The following STK3 variants were observed in gnomAD, a reference collection of about 807,000 sequenced individuals.
STK3 encodes serine/threonine-protein kinase 3.
Under a neutral mutation model 58.0 loss-of-function variants are expected in STK3, and 41 were observed. That is an observed-to-expected ratio of 0.71 (90% confidence interval 0.55 to 0.92). STK3 has a LOEUF of 0.92. Ranked by LOEUF, STK3 falls within the 40% of genes least tolerant of loss-of-function variation. The probability of loss-of-function intolerance (pLI) is 0.00; values close to 1 mark genes in which losing one functional copy is unlikely to be tolerated. For synonymous variants in STK3, 170 were observed against 191.0 expected, an observed-to-expected ratio of 0.89 and a Z score of 0.91; for missense variants, 479 against 602.7, an observed-to-expected ratio of 0.79 and a Z score of 2.15.
intron 6 of STK3, among the ~76,000 whole-genome samples, chr8:98,613,936 T>C (rs961485898): frequency 5.3e-5 from 8 of 151,678 alleles, no homozygotes; most frequent in African/African-American, 1.9e-4. Context: ...GCAAAGAAAA[T>C]TACCAGAGAC....
intron 3 of STK3, among the ~76,000 whole-genome samples, chr8:98,858,447 G>A (rs906408853): frequency 1.3e-5 from 2 of 149,752 alleles, no homozygotes; most frequent in South Asian, 2.1e-4. Context: ...GATTACAGGC[G>A]TGAGTCACCA....
chr8:98,418,362 G>T (rs1383522262), intron 3 of STK3, among the ~76,000 whole-genome samples: 1 of 152,220 alleles, frequency 6.6e-6, no homozygotes, highest in Admixed American at 6.5e-5. Flanking sequence ...ATGGGGAATA[G>T]CCTAGAGCTG....
intron 4 of STK3, among the ~76,000 whole-genome samples, chr8:98,731,117 T>C (rs1194598942): frequency 6.6e-6 from 1 of 152,096 alleles, no homozygotes; most frequent in Non-Finnish European, 1.5e-5. Context: ...TGATAGCATA[T>C]AGAGTATATA....
downstream of STK3, among the ~76,000 whole-genome samples, chr8:98,367,959 G>A (rs1367805605): frequency 1.3e-5 from 2 of 152,176 alleles, no homozygotes; most frequent in African/African-American, 4.8e-5. Flanking sequence ...AGAAGCAGTG[G>A]GCTGAATGCT....
intron 1 of STK3, among the ~76,000 whole-genome samples, chr8:98,933,962 C>T (rs955483889): frequency 2.0e-5 from 3 of 152,244 alleles, no homozygotes; most frequent in Non-Finnish European, 4.4e-5. Context: ...CCACACTTAT[C>T]TTTAGAGATT....
intron 1 of STK3, among the ~76,000 whole-genome samples, chr8:98,824,627 C>T (rs936010737): frequency 2.0e-5 from 3 of 152,138 alleles, no homozygotes; most frequent in Non-Finnish European, 2.9e-5. Context: ...TTCACCTGAA[C>T]AGATGGCTTC....
intron 9 of STK3, among the ~76,000 whole-genome samples, chr8:98,546,416 T>G (rs966870037): frequency 6.6e-6 from 1 of 152,204 alleles, no homozygotes; most frequent in East Asian, 1.9e-4. Context: ...TTCAACTATA[T>G]GACTGCATGA....
At chr8:98,569,392 G>A (rs1412328290) in intron 8 of STK3, among the ~76,000 whole-genome samples, 1 of 151,922 alleles carries the variant, frequency 6.6e-6, no homozygotes, top group Non-Finnish European at 1.5e-5. Context: ...GATGTTGAAA[G>A]GAAGTCTTAG....
chr8:98,878,318 A>G lies in STK3; in HGVS notation c.110+5329T>C, dbSNP rs1837638906. 2.0e-5 allele frequency among the ~76,000 whole-genome samples: 3 copies of G among 152,154 alleles called. No individual in the cohort carries two copies. The South Asian group carries it at 6.2e-4, about 32-fold the overall frequency. On this transcript the variant is annotated intron_variant, in intron 3 of 12. Transcript: ENST00000523601. The stretch of plus-strand genomic sequence containing the variant: ...TCCACCCGCCTCTGCCTCCTGTCAG[A>G]TATGAGTTCTAAATTTCTTTACAAA...
At chr8:98,760,990 T>C (rs1830580823) in intron 3 of STK3, among the ~76,000 whole-genome samples, 1 of 152,184 alleles carries the variant, frequency 6.6e-6, no homozygotes, top group Non-Finnish European at 1.5e-5. Flanking sequence ...ACGTTTAAGC[T>C]TCTTATAAAA....
intron 3 of STK3, among the ~76,000 whole-genome samples, chr8:98,414,298 T>C (rs967531133): frequency 1.3e-5 from 2 of 152,066 alleles, no homozygotes; most frequent in African/African-American, 4.8e-5. Flanking sequence ...AATAAAATAG[T>C]AATTTCGACA....
Position 98,787,167 on chromosome 8 carries a change from CAAAAAAAAAAA to C in STK3, c.27-12359_27-12349del, listed in dbSNP as rs35568354. On this transcript the variant is annotated intron_variant, in intron 1 of 10. Transcript: ENST00000419617. ...CTGGCAACAGAGCGAGACTCCACCT[CAAAAAAAAAAA>C]AAAAAAAAAAAAAAAACAAGAACTG... Among the ~76,000 whole-genome samples the C allele has an allele frequency of 1.8e-4, 4 of 22,672 alleles. No homozygotes were observed. The South Asian group carries it at 9.5e-3, about 54-fold the overall frequency. The allele number at this position is 22,672 out of a possible 152,430, so 14.9% of individuals were successfully genotyped here.
intron 10 of STK3, among the ~76,000 whole-genome samples, chr8:98,513,115 A>C (rs995225611): frequency 6.6e-6 from 1 of 152,200 alleles, no homozygotes; most frequent in Admixed American, 6.5e-5. Context: ...ATGCTGACTG[A>C]AAGTGTTTAA....
chr8:98,620,024 T>C (rs1197458004), intron 6 of STK3, among the ~76,000 whole-genome samples: 2 of 103,914 alleles, frequency 1.9e-5, no homozygotes, highest in East Asian at 5.4e-4. Flanking sequence ...CAGGTATGTT[T>C]ATTGCGGCAT....
At chr8:98,460,525 T>C (rs983349414) in intron 10 of STK3, among the ~76,000 whole-genome samples, 7 of 152,204 alleles carry the variant, frequency 4.6e-5, no homozygotes, top group African/African-American at 1.7e-4. Context: ...CGTAAGGACA[T>C]GAGATTTGGG....
chr8:98,460,599 A>C (rs1819876813), intron 10 of STK3, among the ~76,000 whole-genome samples: 1 of 152,174 alleles, frequency 6.6e-6, no homozygotes, highest in African/African-American at 2.4e-5. Flanking sequence ...CTTGAAGTGT[A>C]ATCTCCATAA....
chr8:98,443,684 C>A (rs1368992816), intron 1 of STK3, among the ~76,000 whole-genome samples: 2 of 152,132 alleles, frequency 1.3e-5, no homozygotes, highest in East Asian at 3.9e-4. Context: ...ACTGTCTCTA[C>A]TAAAAATGCA....
intron 6 of STK3, among the ~76,000 whole-genome samples, chr8:98,671,753 T>TA: frequency 6.6e-6 from 1 of 152,232 alleles, no homozygotes; most frequent in Middle Eastern, 3.4e-3. Context: ...GGCTACTTTT[T>TA]AAAAAATCTT....
chr8:98,739,256 G>C (rs568589310), intron 4 of STK3, among the ~76,000 whole-genome samples: 5 of 152,208 alleles, frequency 3.3e-5, no homozygotes, highest in African/African-American at 9.6e-5. Flanking sequence ...CTCCCAGCAC[G>C]CAGCTGGAGA....
Sources: gnomAD v4.1 joint callset for allele counts (sites outside exome capture counted in the v4.1 genomes callset) on GRCh38, gnomAD v4.1.1 for gene constraint, MANE v1.5 for transcripts, NCBI Gene and HGNC (gene_info 2026-07-23, HGNC 2026-07-21) for gene names.